Variants in ITGA1 observed in about 807,000 individuals in gnomAD.
ITGA1 encodes integrin alpha-1.
Under a neutral mutation model 145.9 loss-of-function variants are expected in ITGA1, and 85 were observed. That is an observed-to-expected ratio of 0.58 (90% CI 0.49 to 0.70). ITGA1 has a LOEUF of 0.70. ITGA1 is among the 30% of genes least tolerant of loss of function. ITGA1 has a pLI of 0.00. For missense variants in ITGA1, 1,351 were observed against 1,418.7 expected (o/e 0.95, Z 0.77); for synonymous variants, 520 against 495.3 (o/e 1.05, Z -0.66).
rs1750749417 is a variant in ITGA1, at chr5:52,922,777, G to A, written c.2293G>A (p.Asp765Asn). The stretch of plus-strand genomic sequence containing the variant: ...ATATATTTTATGTTTCACCCTCTAG[G>A]ACAAGCATGACTTTCAGGACTCTGT... ...ECTKHSFYML[D>N]KHDFQDSVRI... Residue 765 changes from aspartate (D) to asparagine (N), a missense_variant and splice_region_variant, in exon 18 of 29, where the codon GAC (aspartate) becomes AAC (asparagine). Transcript: ENST00000282588. 6.3e-7 allele frequency: 1 copy of A among 1,595,984 alleles called. No individual in the cohort carries two copies. Among genetic ancestry groups the A allele is most frequent in the East Asian group, 2.2e-5 (1 of 44,744 alleles).
intron 14 of ITGA1, among the ~76,000 whole-genome samples, chr5:52,910,629 A>G (rs1210958783): frequency 6.7e-6 from 1 of 148,540 alleles, no homozygotes; most frequent in Non-Finnish European, 1.5e-5. Flanking sequence ...TAGTATGTAT[A>G]TAGTATATAT....
chr5:52,821,995 A>G (rs1196180463), intron 1 of ITGA1, among the ~76,000 whole-genome samples: 1 of 152,232 alleles, frequency 6.6e-6, no homozygotes, highest in African/African-American at 2.4e-5. Flanking sequence ...TCACATTATA[A>G]TAGAAATATC....
chr5:52,934,117 T>G, intron 23 of ITGA1, 121 bp downstream of exon 23: 1 of 289,412 alleles, frequency 3.5e-6, no homozygotes, highest in Non-Finnish European at 6.6e-6. Context: ...TCCAGCATAT[T>G]TTCTTTATAA....
intron 26 of ITGA1, among the ~76,000 whole-genome samples, chr5:52,942,697 A>ATTTTTT (rs371386724): frequency 1.5e-5 from 2 of 137,858 alleles, no homozygotes; most frequent in African/African-American, 2.7e-5. Context: ...TGCCCGGCTA[A>ATTTTTT]TTTTTTTTTT....
intron 1 of ITGA1, among the ~76,000 whole-genome samples, chr5:52,833,490 G>A (rs1749109067): frequency 6.6e-6 from 1 of 152,120 alleles, no homozygotes; most frequent in Non-Finnish European, 1.5e-5. Context: ...CTGGAAAAAT[G>A]TTTCCTAGTG....
At chr5:52,892,904 G>A (rs909064569) in intron 8 of ITGA1, among the ~76,000 whole-genome samples, 2 of 151,888 alleles carry the variant, frequency 1.3e-5, no homozygotes, top group Non-Finnish European at 2.9e-5. Flanking sequence ...TCTACACCTT[G>A]ATGTGGCAGT....
intron 6 of ITGA1, among the ~76,000 whole-genome samples, chr5:52,869,389 G>A (rs140091699): frequency 0.031 from 4,778 of 152,222 alleles, 88 homozygotes; most frequent in South Asian, 0.076. Context: ...TTGAACTCCC[G>A]ACCACAGATG....
intron 20 of ITGA1, 56 bp downstream of exon 20, chr5:52,927,720 A>G (rs1223378936): frequency 9.1e-7 from 1 of 1,095,850 alleles, no homozygotes; most frequent in African/African-American, 1.6e-5. Context: ...TAATATGTGC[A>G]AAGACAAATA....
chr5:52,875,158 T>C (rs1190393674), intron 6 of ITGA1, among the ~76,000 whole-genome samples: 1 of 152,136 alleles, frequency 6.6e-6, no homozygotes, highest in Non-Finnish European at 1.5e-5. Flanking sequence ...AAGGTAGAGA[T>C]GGGGAGGAGT....
chr5:52,905,437 A>G (rs1211402499), intron 11 of ITGA1: 2 of 179,302 alleles, frequency 1.1e-5, no homozygotes, highest in Non-Finnish European at 2.3e-5. Flanking sequence ...ATATATCCAA[A>G]TGAAATACAA....
In ITGA1 at chr5:52,920,241, A is replaced by T. The variant is rs560192571; in HGVS notation, c.2156-91A>T. 11 of 1,010,090 alleles carry T rather than the reference A, an allele frequency of 1.1e-5. No individual in the cohort carries two copies. In the East Asian group the frequency reaches 3.0e-4, roughly 28 times the overall value. 62.6% of individuals were successfully genotyped at this position (1,010,090 alleles called of 1,614,324 possible). On this transcript the variant is annotated intron_variant, in intron 16 of 28. Transcript: ENST00000282588. The stretch of plus-strand genomic sequence containing the variant: ...TCTTTTTTGATTGATTGCCAAAGAG[A>T]TTTTTCTATAATGCTAATTTAATAA...
chr5:52,821,379 G>A (rs1450611816), intron 1 of ITGA1, among the ~76,000 whole-genome samples: 4 of 152,098 alleles, frequency 2.6e-5, no homozygotes, highest in Non-Finnish European at 4.4e-5. Context: ...ACCCCATTCC[G>A]TGTGAAGATG....
chr5:52,890,103 C>T (rs1561238860), intron 8 of ITGA1: 2 of 152,044 alleles, frequency 1.3e-5, no homozygotes, highest in African/African-American at 2.4e-5. Flanking sequence ...ATGGACCTAC[C>T]ACCCAAATTG....
chr5:52,800,798 C>T, intron 1 of ITGA1: 1 of 1,612,968 alleles, frequency 6.2e-7, no homozygotes, highest in Non-Finnish European at 8.5e-7. Context: ...GCCTGGAGCG[C>T]TGATGTGGCG....
At chr5:52,929,785 A>G in intron 21 of ITGA1, 84 bp downstream of exon 21, 2 of 704,348 alleles carry the variant, frequency 2.8e-6, no homozygotes, top group Admixed American at 2.9e-5. Context: ...CTATAAACTC[A>G]CTGACAGTTT....
At chr5:52,875,848 C>A (rs902255727) in intron 6 of ITGA1, among the ~76,000 whole-genome samples, 2 of 152,168 alleles carry the variant, frequency 1.3e-5, no homozygotes, top group Non-Finnish European at 2.9e-5. Context: ...ATCATCCCAA[C>A]GTAATTGGCT....
chr5:52,953,125 A>G lies in ITGA1; in HGVS notation c.*674A>G, dbSNP rs564189237. 127 of 152,338 alleles carry G rather than the reference A, an allele frequency of 8.3e-4. 1 individual carries two copies. Among genetic ancestry groups the G allele is most frequent in the African/African-American group, 2.7e-3 (111 of 41,572 alleles). The allele number at this position is 152,338 out of a possible 1,614,324, so 9.4% of individuals were successfully genotyped here. A position where few individuals can be genotyped will look rare whatever the true frequency, so the allele number is the denominator to read the frequency against. On this transcript the variant is annotated 3_prime_UTR_variant, in exon 29 of 29. Transcript: ENST00000282588. Reference sequence around the variant, plus strand: ...ATCAGGATAGACTCGTTTAAAAACAAGTATATTAAATGGGTTAAATTAAGC... The same window carrying G: ...ATCAGGATAGACTCGTTTAAAAACAGGTATATTAAATGGGTTAAATTAAGC...
chr5:52,950,310 T>A (rs999787576), intron 28 of ITGA1, among the ~76,000 whole-genome samples: 1 of 152,210 alleles, frequency 6.6e-6, no homozygotes, highest in African/African-American at 2.4e-5. Flanking sequence ...CCTAAAGCTT[T>A]ATTCTTCATC....
Position 52,909,079 on chromosome 5 carries a change from C to A in ITGA1, c.1599+38C>A, listed in dbSNP as rs1750457991. ...GAGTTTGGTAGAAATCCAGGAAAAT[C>A]TCTTCCTTCTCTTCATTTTTTAATA... On this transcript the variant is annotated intron_variant, in intron 13 of 28. Coordinates refer to ENST00000282588, the MANE Select transcript of ITGA1 (RefSeq NM_181501.2). 5.1e-6 allele frequency: 8 copies of A among 1,562,720 alleles called. No homozygotes were observed. In the East Asian group the frequency reaches 1.8e-4, roughly 36 times the overall value.
Sources: gnomAD v4.1 joint callset for allele counts (sites outside exome capture counted in the v4.1 genomes callset) on GRCh38, gnomAD v4.1.1 for gene constraint, MANE v1.5 for transcripts, NCBI Gene and HGNC (gene_info 2026-07-23, HGNC 2026-07-21) for gene names.